The following FOLH1 variants were observed in gnomAD, a reference collection of about 807,000 sequenced individuals.
FOLH1 encodes the protein glutamate carboxypeptidase 2.
A neutral mutation model predicts 93.9 loss-of-function variants in FOLH1; 54 were observed. The observed-to-expected ratio is 0.57, with a 90% CI of 0.46 to 0.72. The LOEUF (loss-of-function observed/expected upper bound fraction) is 0.72. Among genes scored for constraint, FOLH1 ranks in the 30% least tolerant of loss-of-function variants. FOLH1 has a pLI of 0.00. For missense variants in FOLH1, 571 were observed against 892.5 expected, an observed-to-expected ratio of 0.64 and a Z score of 4.59; for synonymous variants, 249 against 303.6, an observed-to-expected ratio of 0.82 and a Z score of 1.87.
chr11:49,166,148 G>A (rs1858380479), intron 12 of FOLH1, among the ~76,000 whole-genome samples: 1 of 152,178 alleles, frequency 6.6e-6, no homozygotes, highest in African/African-American at 2.4e-5. Context: ...TGTTTTTTAA[G>A]TGAAACCGAG....
chr11:49,162,384 C>T (rs1195621493), intron 13 of FOLH1, among the ~76,000 whole-genome samples: 20 of 152,104 alleles, frequency 1.3e-4, no homozygotes, highest in Admixed American at 1.2e-3. Context: ...CTCTAAGATT[C>T]TTTCCTTCAC....
intron 3 of FOLH1, among the ~76,000 whole-genome samples, chr11:49,196,515 A>G (rs1236464508): frequency 6.6e-6 from 1 of 152,210 alleles, no homozygotes; most frequent in Non-Finnish European, 1.5e-5. Flanking sequence ...GCAAAAACAC[A>G]GACTAAACAT....
intron 10 of FOLH1, among the ~76,000 whole-genome samples, chr11:49,172,752 A>G (rs1184923564): frequency 6.6e-6 from 1 of 152,194 alleles, no homozygotes; most frequent in Non-Finnish European, 1.5e-5. Context: ...ATTATTTTAA[A>G]AAGCAAACAT....
intron 4 of FOLH1, 160 bp downstream of exon 4, chr11:49,192,633 A>C: frequency 2.2e-6 from 1 of 456,088 alleles, no homozygotes. Flanking sequence ...AATATAATCA[A>C]TATTCCTTCT....
At chr11:49,197,249 AC>A (rs1862719408) in intron 3 of FOLH1, among the ~76,000 whole-genome samples, 2 of 152,234 alleles carry the variant, frequency 1.3e-5, no homozygotes, top group Non-Finnish European at 2.9e-5. Flanking sequence ...TTGCAGCACC[AC>A]TATGCCACAC....
chr11:49,179,327 C>A (rs1394275658), intron 7 of FOLH1, among the ~76,000 whole-genome samples: 1 of 152,174 alleles, frequency 6.6e-6, no homozygotes, highest in Admixed American at 6.5e-5. Context: ...CATAATAAAT[C>A]ACGTCTGTAA....
intron 2 of FOLH1, among the ~76,000 whole-genome samples, chr11:49,203,821 G>A (rs1863533377): frequency 6.6e-6 from 1 of 152,116 alleles, no homozygotes; most frequent in African/African-American, 2.4e-5. Context: ...GTCAGGAGGG[G>A]GCTCTCCCCC....
In FOLH1 at chr11:49,208,424, A is replaced by C. The variant is rs754283916; in HGVS notation, c.-15T>G. On this transcript the variant is annotated 5_prime_UTR_variant, in exon 1 of 19. Coordinates refer to ENST00000256999, the MANE Select transcript of FOLH1 (RefSeq NM_004476.3). ...AGATTCCACATCTCGGCGCGAGCAGAGCCGGCCTCCCGGGACCCGCGCCTG... is the reference window on the plus strand; with the variant it reads ...AGATTCCACATCTCGGCGCGAGCAGCGCCGGCCTCCCGGGACCCGCGCCTG... 6.4e-7 allele frequency: 1 copy of C among 1,573,852 alleles called. No individual in the cohort carries two copies. Among genetic ancestry groups the C allele is most frequent in the East Asian group, 2.3e-5 (1 of 43,948 alleles).
At chr11:49,170,692 C>T (rs1376157727) in intron 11 of FOLH1, among the ~76,000 whole-genome samples, 1 of 152,142 alleles carries the variant, frequency 6.6e-6, no homozygotes, top group African/African-American at 2.4e-5. Flanking sequence ...AATTTGGCTT[C>T]ATGGTCAGGA....
Position 49,175,962 on chromosome 11 carries a change from T to G in FOLH1, c.921-5A>C, listed in dbSNP as rs749562326. 1 of 1,609,926 alleles carries G rather than the reference T, an allele frequency of 6.2e-7. No homozygotes were observed. The highest frequency in any genetic ancestry group is 8.5e-7 in the Non-Finnish European group (1 of 1,178,894). On this transcript the variant is annotated splice_polypyrimidine_tract_variant and splice_region_variant and intron_variant, in intron 7 of 18. Transcript: ENST00000256999. ...GGTGCTGAGCCACCCATTTTTCTATTGGACACAAAAAAACATTATTAGCCA... is the reference window on the plus strand; with the variant it reads ...GGTGCTGAGCCACCCATTTTTCTATGGGACACAAAAAAACATTATTAGCCA...
At chr11:49,198,609 A>G (rs1862925005) in intron 3 of FOLH1, among the ~76,000 whole-genome samples, 1 of 152,208 alleles carries the variant, frequency 6.6e-6, no homozygotes, top group Non-Finnish European at 1.5e-5. Flanking sequence ...AACATTGTCA[A>G]TATTTTATTT....
At chr11:49,164,177 G>A in intron 13 of FOLH1, among the ~76,000 whole-genome samples, 1 of 152,048 alleles carries the variant, frequency 6.6e-6, no homozygotes, top group East Asian at 1.9e-4. Context: ...AAGCTTAATG[G>A]CATTTAAATT....
intron 4 of FOLH1, 65 bp from the exon 5 acceptor site, chr11:49,186,834 G>A: frequency 6.7e-7 from 1 of 1,503,344 alleles, no homozygotes; most frequent in Non-Finnish European, 8.9e-7. Flanking sequence ...TCTGCATGGG[G>A]ACTGTTGGAC....
chr11:49,166,134 T>A (rs1469040094), intron 12 of FOLH1, among the ~76,000 whole-genome samples: 1 of 152,212 alleles, frequency 6.6e-6, no homozygotes, highest in Non-Finnish European at 1.5e-5. Context: ...CTGGTGGTAG[T>A]GTTTGTTTTT....
chr11:49,157,075 T>C (rs1165797386), intron 14 of FOLH1, among the ~76,000 whole-genome samples: 2 of 152,134 alleles, frequency 1.3e-5, no homozygotes, highest in African/African-American at 4.8e-5. Context: ...TAAGATTATT[T>C]CATTCCATTT....
At chr11:49,175,685 T>G (rs1859917313) in intron 8 of FOLH1, among the ~76,000 whole-genome samples, 174 bp downstream of exon 8, 1 of 152,220 alleles carries the variant, frequency 6.6e-6, no homozygotes. Flanking sequence ...TTTTAAATCT[T>G]CAATCTTGCT....
chr11:49,146,109 T>C lies in FOLH1; in HGVS notation c.*647A>G, dbSNP rs150151341. ...TAAAATTCAAGAAAATGCAAAAGCA[T>C]AACTGTCATTAGTACATGGGGCATC... On this transcript the variant is annotated 3_prime_UTR_variant, in exon 19 of 19. Transcript: ENST00000256999. Among the ~76,000 whole-genome samples the C allele has an allele frequency of 0.013, 2,036 of 152,296 alleles. 19 individuals carry two copies. Among genetic ancestry groups the C allele is most frequent in the Non-Finnish European group, 0.021 (1,435 of 68,016 alleles).
chr11:49,206,759 C>T (rs1253366637), intron 1 of FOLH1: 18 of 1,535,518 alleles, frequency 1.2e-5, no homozygotes, highest in Non-Finnish European at 1.6e-5. Context: ...CAGACAGCTA[C>T]AATGAAACTA....
intron 12 of FOLH1, among the ~76,000 whole-genome samples, chr11:49,168,627 C>T (rs1435845403): frequency 5.3e-5 from 8 of 152,112 alleles, no homozygotes; most frequent in Admixed American, 2.6e-4. Context: ...TGCGCCACCA[C>T]GCCCGGCTAA....
Sources: gnomAD v4.1 joint callset for allele counts (sites outside exome capture counted in the v4.1 genomes callset) on GRCh38, gnomAD v4.1.1 for gene constraint, MANE v1.5 for transcripts, NCBI Gene and HGNC (gene_info 2026-07-23, HGNC 2026-07-21) for gene names.